FLT4: variants seen among roughly 807,000 people sequenced by gnomAD.
FLT4 encodes fms related receptor tyrosine kinase 4.
A neutral mutation model predicts 163.2 loss-of-function variants in FLT4; 30 were observed. That is an observed-to-expected ratio of 0.18 (90% CI 0.14 to 0.25). The LOEUF is 0.25. Ranked by LOEUF, FLT4 falls within the 10% of genes least tolerant of loss-of-function variation. The probability of loss-of-function intolerance (pLI) is 1.00; values close to 1 mark genes in which losing one functional copy is unlikely to be tolerated. For missense variants in FLT4, 1,510 were observed against 1,863.8 expected, an observed-to-expected ratio of 0.81 and a Z score of 3.50; for synonymous variants, 884 against 789.5, an observed-to-expected ratio of 1.12 and a Z score of -2.01.
upstream of FLT4, among the ~76,000 whole-genome samples, chr5:180,649,835 A>G (rs979560940): frequency 6.6e-6 from 1 of 152,028 alleles, no homozygotes; most frequent in African/African-American, 2.4e-5. Context: ...TGCGCTCCGG[A>G]GGTGATGGAG....
At chr5:180,604,461 C>T (rs1235232202) in intron 29 of FLT4, among the ~76,000 whole-genome samples, 1 of 152,230 alleles carries the variant, frequency 6.6e-6, no homozygotes, top group Non-Finnish European at 1.5e-5. Flanking sequence ...CTCCCGCGGA[C>T]TGCTGTGTGC....
In FLT4 at chr5:180,630,722, G is replaced by T; in HGVS notation, c.233C>A (p.Thr78Lys). ...PATGDKDSED[T>K]GVVRDCEGTD... Reference sequence around the variant, plus strand: ...GCCCTCGCAGTCTCGCACCACCCCCGTGTCCTCGCTGTCCTTGTCTCCGGT... The same window carrying T: ...GCCCTCGCAGTCTCGCACCACCCCCTTGTCCTCGCTGTCCTTGTCTCCGGT... Residue 78 changes from threonine (T) to lysine (K), a missense_variant, in exon 3 of 30, where the codon ACG becomes AAG. Thr to Lys is a moderately conservative substitution (Grantham distance 78, BLOSUM62 -1). This residue lies in a region of FLT4 where 157 missense variants were observed against 178.7 expected (regional missense o/e 0.88). Transcript: ENST00000261937. This position sits in a 1 kb window ranked among gnomAD's most constrained non-coding sequence, Gnocchi z 6.3. 6.2e-7 allele frequency: 1 copy of T among 1,611,900 alleles called. No individual in the cohort carries two copies.
At chr5:180,611,633 C>T in intron 26 of FLT4, 154 bp from the exon 27 acceptor site, 1 of 798,334 alleles carries the variant, frequency 1.3e-6, no homozygotes, top group Non-Finnish European at 2.0e-6. Context: ...CCTCGCCCTG[C>T]CCTCAGCCCT....
intron 13 of FLT4, 54 bp downstream of exon 13, chr5:180,621,488 G>A (rs1276762358): frequency 2.5e-6 from 4 of 1,596,350 alleles, no homozygotes; most frequent in South Asian, 2.2e-5. Context: ...CAAAGGCAGA[G>A]GCAGCTACTG....
chr5:180,619,426 C>CTGGCCGTTTAGCTAAGGCACAG, intron 18 of FLT4, 60 bp from the exon 19 acceptor site: 1 of 1,390,156 alleles, frequency 7.2e-7, no homozygotes, highest in Non-Finnish European at 1.0e-6. Flanking sequence ...TTCCCCGCCA[C>CTGGCCGTTTAGCTAAGGCACAG]CCGGCGCTTT....
intron 1 of FLT4, among the ~76,000 whole-genome samples, chr5:180,633,144 G>A (rs918339409): frequency 5.9e-5 from 9 of 152,152 alleles, no homozygotes; most frequent in African/African-American, 1.7e-4. Context: ...GCACCAGGAC[G>A]GCACCTGCTG....
chr5:180,626,343 TAC>T, intron 8 of FLT4, 78 bp from the exon 9 acceptor site: 1 of 1,511,132 alleles, frequency 6.6e-7, no homozygotes, highest in Non-Finnish European at 9.1e-7. Context: ...CCACCCCAAA[TAC>T]AGTTGGGAGG....
At chr5:180,603,491 G>A (rs1761616914) in intron 29 of FLT4, 101 bp from the exon 30 acceptor site, 1 of 1,063,740 alleles carries the variant, frequency 9.4e-7, no homozygotes, top group South Asian at 1.3e-5. Context: ...GCAGGCGGAT[G>A]GCTTCAGGCC....
chr5:180,638,644 G>A (rs950263295), intron 1 of FLT4, among the ~76,000 whole-genome samples: 2 of 152,082 alleles, frequency 1.3e-5, no homozygotes, highest in African/African-American at 4.8e-5. Context: ...CCACACCCTC[G>A]TGGTTCATCC....
chr5:180,641,088 C>T (rs746000477), intron 1 of FLT4, among the ~76,000 whole-genome samples: 14 of 152,218 alleles, frequency 9.2e-5, no homozygotes, highest in Non-Finnish European at 1.3e-4. Context: ...GAGCACCAGC[C>T]TCCCAGGCCC....
chr5:180,632,635 T>C (rs201879886), intron 1 of FLT4, among the ~76,000 whole-genome samples: 3,101 of 145,848 alleles, frequency 0.021, 64 homozygotes, highest in South Asian at 0.048. Context: ...TGTGTGTGTG[T>C]GCACACGCGT....
At position 180,625,998 on chromosome 5, in the gene FLT4, G is replaced by A. The variant is rs867280522; in HGVS notation, c.1292C>T (p.Ser431Phe). The A allele has an allele frequency of 3.1e-6, 5 of 1,612,720 alleles. No homozygotes were observed. Among genetic ancestry groups the A allele is most frequent in the Non-Finnish European group, 4.2e-6 (5 of 1,179,940 alleles). The change falls in exon 10 of 30, where the codon TCC (serine) becomes TTC (phenylalanine). Residue 431 changes from serine to phenylalanine, a missense_variant. Ser to Phe is a radical substitution (Grantham distance 155). Coordinates refer to ENST00000261937, the MANE Select transcript of FLT4 (RefSeq NM_182925.5). ...GCTGTGACGCGAGTAGATGCTGGGGGAGGAGGCCTCCTTCTCATGTATCTG... is the reference window on the plus strand; with the variant it reads ...GCTGTGACGCGAGTAGATGCTGGGGAAGGAGGCCTCCTTCTCATGTATCTG... ...PPQIHEKEAS[S>F]PSIYSRHSRQ... is the part of the protein sequence containing the mutation.
At chr5:180,629,496 C>T in intron 6 of FLT4, 69 bp from the exon 7 acceptor site, 1 of 1,576,174 alleles carries the variant, frequency 6.3e-7, no homozygotes, top group Non-Finnish European at 8.6e-7. Context: ...CGAAGGCACA[C>T]CTCCCAGCCC....
chr5:180,608,373 T>C, intron 29 of FLT4: 1 of 698,802 alleles, frequency 1.4e-6, no homozygotes, highest in South Asian at 1.5e-5. Flanking sequence ...CCCTGCCCCC[T>C]TGTCTTGCAT....
rs1262264738 is a variant in FLT4, at chr5:180,602,005, G to A, written c.*1187C>T. 2 of 233,444 alleles carry A rather than the reference G, an allele frequency of 8.6e-6. No homozygotes were observed. The highest frequency in any genetic ancestry group is 1.7e-5 in the Non-Finnish European group (2 of 118,240). 14.5% of individuals were successfully genotyped at this position (233,444 alleles called of 1,614,324 possible). On this transcript the variant is annotated 3_prime_UTR_variant, in exon 30 of 30. Coordinates refer to ENST00000261937, the MANE Select transcript of FLT4 (RefSeq NM_182925.5). ...TGGTTGGGCACTGTGAGCTGGGATAGGGGTCCTGAGCAGAATGCCTCCAGC... is the reference window on the plus strand; with the variant it reads ...TGGTTGGGCACTGTGAGCTGGGATAAGGGTCCTGAGCAGAATGCCTCCAGC...
chr5:180,626,959 C>T (rs73363302), intron 8 of FLT4, among the ~76,000 whole-genome samples: 13,037 of 152,250 alleles, frequency 0.086, 581 homozygotes, highest in Middle Eastern at 0.12. Context: ...CCTGCCCCTG[C>T]CTTGCTGTGT....
rs201306288 is a variant in FLT4 at position 180,625,832 on chromosome 5, G to A, written c.1421+37C>T. ...CCTCATGGCTGAGGCTGGGGGCTGT[G>A]GCTGTGCAGGGGACCTGAGGCTGGA... On this transcript the variant is annotated intron_variant, in intron 10 of 29. Transcript: ENST00000261937. 2.2e-3 allele frequency: 3,408 copies of A among 1,514,824 alleles called. 71 individuals are homozygous for A. In the African/African-American group the frequency reaches 0.055, roughly 24 times the overall value. 93.8% of individuals were successfully genotyped at this position (1,514,824 alleles called of 1,614,324 possible).
rs959145024 is a variant in FLT4 at position 180,622,013 on chromosome 5, G to A, written c.1658-109C>T. 4.2e-6 allele frequency: 6 copies of A among 1,415,320 alleles called. No individual in the cohort carries two copies. In the African/African-American group the frequency reaches 8.4e-5, roughly 20 times the overall value. 87.7% of individuals were successfully genotyped at this position (1,415,320 alleles called of 1,614,324 possible). ...CTCCCTCCCTCCCTCTCTCCTGGAG[G>A]GGCCCCAGCTGGACTGCTTGCCCCC... On this transcript the variant is annotated intron_variant, in intron 12 of 29. Transcript: ENST00000261937.
Position 180,631,747 on chromosome 5 carries a change from C to G in FLT4, c.90G>C (p.Pro30=). 1 of 1,610,336 alleles carries G rather than the reference C, an allele frequency of 6.2e-7. No individual in the cohort carries two copies. Among genetic ancestry groups the G allele is most frequent in the South Asian group, 1.1e-5 (1 of 91,072 alleles). Residue 30 remains proline, a synonymous_variant, in exon 2 of 30, where the codon CCG becomes CCC. Transcript: ENST00000261937. ...GTGACTCCTCCGTGATGTTCAAGGT[C>G]GGGGGGGTCATGGAGTAGCCACTCA... ...GLVSGYSMTP[P]TLNITEESHV... is the part of the protein sequence containing the mutation.
Sources: gnomAD v4.1 joint callset for allele counts (sites outside exome capture counted in the v4.1 genomes callset) on GRCh38, gnomAD v4.1.1 for gene constraint, gnomAD v4.1.1 regional missense constraint, Gnocchi (gnomAD v3.1) non-coding constraint, MANE v1.5 for transcripts, NCBI Gene and HGNC (gene_info 2026-07-23, HGNC 2026-07-21) for gene names.